Variants in ADAMTS7 observed in about 807,000 individuals in gnomAD.
The protein encoded by ADAMTS7 is A disintegrin and metalloproteinase with thrombospondin motifs 7.
Under a neutral mutation model 172.6 loss-of-function variants are expected in ADAMTS7, and 89 were observed. That is an observed-to-expected ratio of 0.52 (90% confidence interval 0.43 to 0.61). The LOEUF (loss-of-function observed/expected upper bound fraction) is 0.61, where lower values mean the gene tolerates loss of function less well. ADAMTS7 is among the 20% of genes least tolerant of loss of function. ADAMTS7 has a pLI of 0.00. For missense variants in ADAMTS7, 1,973 were observed against 2,355.6 expected, an observed-to-expected ratio of 0.84 and a Z score of 3.36; for synonymous variants, 885 against 978.4, an observed-to-expected ratio of 0.90 and a Z score of 1.78.
chr15:78,760,328 T>C (rs2055022848), intron 23 of ADAMTS7, among the ~76,000 whole-genome samples: 1 of 152,212 alleles, frequency 6.6e-6, no homozygotes, highest in South Asian at 2.1e-4. Context: ...TTGCTCCTGA[T>C]GCCACTGCCA....
intron 6 of ADAMTS7, 92 bp downstream of exon 6, chr15:78,790,578 C>G: frequency 2.6e-6 from 4 of 1,545,390 alleles, no homozygotes; most frequent in Non-Finnish European, 3.5e-6. Context: ...GGCTCCCTGA[C>G]AGCACGGCCC....
intron 7 of ADAMTS7, 109 bp downstream of exon 7, chr15:78,789,580 G>A (rs117380441): frequency 1.4e-6 from 2 of 1,440,848 alleles, no homozygotes; most frequent in Non-Finnish European, 9.4e-7. Flanking sequence ...CTTTTCCAGA[G>A]AGCTTCCTTT....
intron 5 of ADAMTS7, 56 bp downstream of exon 5, chr15:78,791,084 A>T (rs1347569897): frequency 2.8e-5 from 44 of 1,564,726 alleles, no homozygotes; most frequent in Non-Finnish European, 3.8e-5. Context: ...ATGCGGCAGG[A>T]GGGCTCTGGC....
chr15:78,793,352 C>CTTTTTTT (rs55739451), intron 4 of ADAMTS7, among the ~76,000 whole-genome samples: 1 of 144,758 alleles, frequency 6.9e-6, no homozygotes, highest in East Asian at 2.0e-4. Flanking sequence ...TCTGTTTTAC[C>CTTTTTTT]TTTTTTTTTT....
intron 8 of ADAMTS7, among the ~76,000 whole-genome samples, chr15:78,783,174 T>G (rs1265322734): frequency 1.3e-5 from 2 of 152,158 alleles, no homozygotes; most frequent in African/African-American, 4.8e-5. Context: ...AACCAGTCCT[T>G]CAGCAGAGAC....
intron 1 of ADAMTS7, chr15:78,810,425 A>C (rs1020166000): frequency 6.6e-6 from 1 of 152,224 alleles, no homozygotes; most frequent in Admixed American, 6.5e-5. Context: ...TCGCCGCCAA[A>C]CAAGAGTCTG....
chr15:78,811,293 C>G lies in ADAMTS7; in HGVS notation c.-73G>C. 1 of 1,217,848 alleles carries G rather than the reference C, an allele frequency of 8.2e-7. No homozygotes were observed. Among genetic ancestry groups the G allele is most frequent in the Non-Finnish European group, 1.0e-6 (1 of 979,052 alleles). The allele number at this position is 1,217,848 out of a possible 1,614,324, so 75.4% of individuals were successfully genotyped here. ...CCGTCCCGTCCGGTCGCTGCCTGGT[C>G]CCAGGTCCGGCTCAGGACATGCCCG... On this transcript the variant is annotated 5_prime_UTR_variant, in exon 1 of 24. Coordinates refer to ENST00000388820, the MANE Select transcript of ADAMTS7 (RefSeq NM_014272.5).
chr15:78,777,602 G>T lies in ADAMTS7; in HGVS notation c.1323-14C>A, dbSNP rs375910173. On this transcript the variant is annotated splice_polypyrimidine_tract_variant and intron_variant, in intron 8 of 23. Transcript: ENST00000388820. ...CCCCACCCACGGCTAAAGATGGGACGGGAGGATGGAGGGGGGCGCAGCCTG... is the reference window on the plus strand; with the variant it reads ...CCCCACCCACGGCTAAAGATGGGACTGGAGGATGGAGGGGGGCGCAGCCTG... The T allele has an allele frequency of 2.5e-6, 4 of 1,598,316 alleles. No homozygotes were observed. The highest frequency in any genetic ancestry group is 1.7e-5 in the Admixed American group (1 of 57,654).
intron 8 of ADAMTS7, among the ~76,000 whole-genome samples, chr15:78,780,359 G>C (rs894469499): frequency 3.9e-5 from 6 of 152,178 alleles, no homozygotes; most frequent in Admixed American, 2.0e-4. Context: ...CCACTGACAG[G>C]AGAGACCTGG....
intron 20 of ADAMTS7, among the ~76,000 whole-genome samples, 179 bp from the exon 21 acceptor site, chr15:78,764,278 G>A (rs913048939): frequency 1.1e-4 from 17 of 150,824 alleles, no homozygotes; most frequent in African/African-American, 3.2e-4. Context: ...ATGGCCAGGG[G>A]CTGCCACGGG....
chr15:78,806,156 C>T (rs1278302735), intron 1 of ADAMTS7, among the ~76,000 whole-genome samples: 1 of 52,088 alleles, frequency 1.9e-5, no homozygotes, highest in Non-Finnish European at 4.0e-5. Context: ...AAAAAAAAAA[C>T]AGAAAAATGG....
chr15:78,789,927 G>T (rs2055556414), intron 6 of ADAMTS7, 89 bp from the exon 7 acceptor site: 2 of 1,473,714 alleles, frequency 1.4e-6, no homozygotes, highest in Non-Finnish European at 1.8e-6. Context: ...CCCCCGAATT[G>T]ATCCCAAGCG....
At chr15:78,800,941 A>G (rs1223726348) in intron 1 of ADAMTS7, among the ~76,000 whole-genome samples, 3 of 152,080 alleles carry the variant, frequency 2.0e-5, no homozygotes, top group Non-Finnish European at 2.9e-5. Context: ...GGATTTCACC[A>G]TGTTGGCCAG....
chr15:78,777,259 G>A, intron 9 of ADAMTS7, 185 bp downstream of exon 9: 1 of 805,370 alleles, frequency 1.2e-6, no homozygotes, highest in Non-Finnish European at 1.9e-6. Context: ...ATTCAGAGCT[G>A]GGTCTGTGGC....
At chr15:78,760,689 G>A (rs2869869) in intron 23 of ADAMTS7, among the ~76,000 whole-genome samples, 11,258 of 152,146 alleles carry the variant, frequency 0.074, 1,397 homozygotes, top group African/African-American at 0.26. Flanking sequence ...CACATGTCCC[G>A]CCAACTGTCC....
chr15:78,766,215 C>T lies in ADAMTS7; in HGVS notation c.3696G>A (p.Leu1232=). ...EEPKGRGAPH[L]PPRPSSTLPP... Reference sequence around the variant, plus strand: ...GCAGCGTGGAGCTGGGTCTCGGGGGCAGGTGGGGTGCTCCTCGGCCCTTGG... The same window carrying T: ...GCAGCGTGGAGCTGGGTCTCGGGGGTAGGTGGGGTGCTCCTCGGCCCTTGG... The change falls in exon 19 of 24, where the codon CTG becomes CTA. Residue 1232 remains leucine, a synonymous_variant. Coordinates refer to ENST00000388820, the MANE Select transcript of ADAMTS7 (RefSeq NM_014272.5). 13 of 1,611,832 alleles carry T rather than the reference C, an allele frequency of 8.1e-6. No homozygotes were observed. The highest frequency in any genetic ancestry group is 1.1e-5 in the Non-Finnish European group (13 of 1,179,726).
intron 8 of ADAMTS7, among the ~76,000 whole-genome samples, chr15:78,787,899 G>A (rs1409164370): frequency 6.6e-6 from 1 of 152,088 alleles, no homozygotes; most frequent in African/African-American, 2.4e-5. Context: ...TACCGCTACA[G>A]GCCTTTCTCA....
intron 8 of ADAMTS7, among the ~76,000 whole-genome samples, chr15:78,782,134 C>T (rs2055436488): frequency 6.6e-6 from 1 of 151,940 alleles, no homozygotes; most frequent in African/African-American, 2.4e-5. Flanking sequence ...CAGGTTCAAG[C>T]AATTCTCCTG....
chr15:78,790,930 A>G, intron 5 of ADAMTS7, 136 bp from the exon 6 acceptor site: 2 of 1,401,120 alleles, frequency 1.4e-6, no homozygotes, highest in Non-Finnish European at 2.0e-6. Context: ...TCGAGCTTCC[A>G]GCCTGACCAT....
Sources: gnomAD v4.1 joint callset for allele counts (sites outside exome capture counted in the v4.1 genomes callset) on GRCh38, gnomAD v4.1.1 for gene constraint, MANE v1.5 for transcripts, NCBI Gene and HGNC (gene_info 2026-07-23, HGNC 2026-07-21) for gene names.